Variants in GTF2E2 observed in about 807,000 individuals in gnomAD.
GTF2E2 encodes general transcription factor IIE subunit 2.
In GTF2E2, 21 loss-of-function variants were observed where a neutral mutation model predicts 40.5. The observed-to-expected ratio is 0.52, with a 90% CI of 0.37 to 0.75. GTF2E2 has a LOEUF of 0.75. Among genes scored for constraint, GTF2E2 ranks in the 30% least tolerant of loss-of-function variants. The probability of loss-of-function intolerance (pLI) is 0.00; values close to 1 mark genes in which losing one functional copy is unlikely to be tolerated. For missense variants in GTF2E2, 298 were observed against 338.4 expected, an observed-to-expected ratio of 0.88 and a Z score of 0.94; for synonymous variants, 117 against 121.6, an observed-to-expected ratio of 0.96 and a Z score of 0.25.
chr8:30,656,587 TCACGAGGTCA>T (rs1396034164), intron 1 of GTF2E2, among the ~76,000 whole-genome samples: 1 of 152,110 alleles, frequency 6.6e-6, no homozygotes. Flanking sequence ...GGAGGGCGGA[TCACGAGGTCA>T]GGAGTTCTAG....
intron 6 of GTF2E2, among the ~76,000 whole-genome samples, chr8:30,596,615 C>G (rs716942): frequency 0.86 from 131,141 of 152,156 alleles, 57,226 homozygotes; most frequent in African/African-American, 0.97. Flanking sequence ...TTCCATGTCT[C>G]GTAGTTCCAA....
At chr8:30,642,264 G>A (rs1156541899) in intron 2 of GTF2E2, among the ~76,000 whole-genome samples, 3 of 136,154 alleles carry the variant, frequency 2.2e-5, no homozygotes, top group East Asian at 2.1e-4. Context: ...AGCACAAAGG[G>A]ATTTTATCTT....
chr8:30,580,181 T>C (rs1166704372), intron 7 of GTF2E2, 100 bp downstream of exon 7: 2 of 710,326 alleles, frequency 2.8e-6, no homozygotes, highest in East Asian at 2.6e-5. Flanking sequence ...TGAGAAACAA[T>C]GGCGGGGGAA....
At chr8:30,606,930 T>C in intron 6 of GTF2E2, 127 bp downstream of exon 6, 4 of 450,050 alleles carry the variant, frequency 8.9e-6, no homozygotes, top group South Asian at 5.0e-5. Flanking sequence ...ACTGGCTGTG[T>C]TCTAAGAAAT....
intron 2 of GTF2E2, 134 bp downstream of exon 2, chr8:30,653,297 CTT>C (rs1802345906): frequency 3.0e-6 from 2 of 664,936 alleles, no homozygotes; most frequent in African/African-American, 1.8e-5. Context: ...CTTAAATTCT[CTT>C]GTCCCATCCT....
In GTF2E2 at chr8:30,614,707, A is replaced by G. The variant is rs746850928; in HGVS notation, c.267T>C (p.His89=). Residue 89 remains histidine, a synonymous_variant, in exon 4 of 8, where the codon CAT becomes CAC. Transcript: ENST00000355904. ...TTAGAGGATGCGTATCTCCTCGCTG[A>G]TGCCGTGTCTATCAAGTGAAGAAAT... ...AKIVNYMKTR[H]QRGDTHPLTL... The G allele has an allele frequency of 1.1e-5, 17 of 1,588,128 alleles. No homozygotes were observed. Among genetic ancestry groups the G allele is most frequent in the Non-Finnish European group, 8.6e-7 (1 of 1,158,310 alleles).
At chr8:30,594,497 G>GC (rs763696820) in intron 6 of GTF2E2, among the ~76,000 whole-genome samples, 100 of 150,918 alleles carry the variant, frequency 6.6e-4, no homozygotes, top group Non-Finnish European at 1.1e-3. Context: ...ACCTAAAGTG[G>GC]CCTACAGTGG....
chr8:30,629,049 T>C (rs1461898310), intron 3 of GTF2E2, among the ~76,000 whole-genome samples: 1 of 152,186 alleles, frequency 6.6e-6, no homozygotes, highest in Admixed American at 6.5e-5. Flanking sequence ...TAACCACTCA[T>C]ACATTCCTAA....
chr8:30,653,543 G>T lies in GTF2E2; in HGVS notation c.56C>A (p.Thr19Asn). 3 of 1,613,128 alleles carry T rather than the reference G, an allele frequency of 1.9e-6. No individual in the cohort carries two copies. The highest frequency in any genetic ancestry group is 2.5e-6 in the Non-Finnish European group (3 of 1,179,174). The change falls in exon 2 of 8, where the codon ACT becomes AAT. Residue 19 changes from threonine to asparagine, a missense_variant. Transcript: ENST00000355904. ...RELFKKRALS[T>N]PVVEKRSASS... The stretch of plus-strand genomic sequence containing the variant: ...TGCTGAACGTTTTTCTACTACAGGA[G>T]TAGAAAGAGCTCGTTTTTTGAACAG...
At chr8:30,643,339 A>C (rs1290308978) in intron 2 of GTF2E2, 1 of 152,166 alleles carries the variant, frequency 6.6e-6, no homozygotes, top group African/African-American at 2.4e-5. Flanking sequence ...AGATGGGCCA[A>C]GAGTTGATGA....
intron 5 of GTF2E2, among the ~76,000 whole-genome samples, 196 bp downstream of exon 5, chr8:30,612,103 A>G (rs1829491236): frequency 6.6e-6 from 1 of 152,228 alleles, no homozygotes; most frequent in Admixed American, 6.5e-5. Context: ...GAACCCGTCA[A>G]AGTTACACAG....
chr8:30,612,678 C>G (rs1829512973), intron 4 of GTF2E2, among the ~76,000 whole-genome samples, 197 bp from the exon 5 acceptor site: 1 of 152,154 alleles, frequency 6.6e-6, no homozygotes, highest in Non-Finnish European at 1.5e-5. Flanking sequence ...CTCTCAGCAC[C>G]TGGGACTGCA....
chr8:30,579,676 G>T (rs546559783), intron 7 of GTF2E2, among the ~76,000 whole-genome samples: 7 of 152,224 alleles, frequency 4.6e-5, no homozygotes, highest in South Asian at 2.1e-4. Context: ...ATAAGGAAAG[G>T]GGGGAGGAGC....
At chr8:30,634,401 T>C (rs1459654173) in intron 3 of GTF2E2, among the ~76,000 whole-genome samples, 2 of 151,890 alleles carry the variant, frequency 1.3e-5, no homozygotes, top group African/African-American at 4.8e-5. Flanking sequence ...TGAGCTACGA[T>C]CGTGCCACTG....
chr8:30,630,624 A>G (rs796795585), intron 3 of GTF2E2, among the ~76,000 whole-genome samples: 11 of 152,168 alleles, frequency 7.2e-5, no homozygotes, highest in African/African-American at 2.6e-4. Flanking sequence ...TCCCCCCGCC[A>G]TGAAAAAGTA....
chr8:30,645,613 G>T, intron 2 of GTF2E2: 2 of 1,515,184 alleles, frequency 1.3e-6, no homozygotes, highest in South Asian at 2.5e-5. Context: ...TATAGAAGAT[G>T]AACAAAATCT....
chr8:30,648,448 A>G (rs910400681), intron 2 of GTF2E2, among the ~76,000 whole-genome samples: 3 of 152,246 alleles, frequency 2.0e-5, no homozygotes, highest in African/African-American at 7.2e-5. Flanking sequence ...TAGCAATCCA[A>G]TGACCGTGGC....
chr8:30,610,443 CAAAAA>C (rs34094808), intron 5 of GTF2E2, among the ~76,000 whole-genome samples: 1 of 89,472 alleles, frequency 1.1e-5, no homozygotes, highest in Non-Finnish European at 2.1e-5. Flanking sequence ...GACTCTGTCT[CAAAAA>C]AAAAAAAAAA....
intron 2 of GTF2E2, among the ~76,000 whole-genome samples, chr8:30,649,754 C>G (rs1285640280): frequency 6.6e-6 from 1 of 152,050 alleles, no homozygotes; most frequent in Non-Finnish European, 1.5e-5. Flanking sequence ...GCCTGAGAGA[C>G]AGAGCAAGAC....
Sources: allele counts gnomAD v4.1 joint callset (sites outside exome capture counted in the v4.1 genomes callset), GRCh38; gene constraint gnomAD v4.1.1; transcripts MANE v1.5; gene names NCBI Gene and HGNC (gene_info 2026-07-23, HGNC 2026-07-21).